Variants in PLEKHA5 observed in about 807,000 individuals in gnomAD.
PLEKHA5 encodes pleckstrin homology domain-containing family A member 5.
Under a neutral mutation model 181.9 loss-of-function variants are expected in PLEKHA5, and 55 were observed. The observed-to-expected ratio is 0.30, with a 90% CI of 0.24 to 0.38. The LOEUF is 0.38. PLEKHA5 is among the 10% of genes least tolerant of loss of function. PLEKHA5 has a pLI of 1.00. For synonymous variants in PLEKHA5, 535 were observed against 529.4 expected (o/e 1.01, Z -0.15); for missense variants, 1,432 against 1,549.5 (o/e 0.92, Z 1.27).
At chr12:19,179,138 G>A (rs2047964627) in intron 3 of PLEKHA5, among the ~76,000 whole-genome samples, 1 of 152,146 alleles carries the variant, frequency 6.6e-6, no homozygotes, top group African/African-American at 2.4e-5. Context: ...TTCAGTTGCA[G>A]TTTTTTAAAA....
Position 19,255,147 on chromosome 12 carries a change from A to G in PLEKHA5, c.414A>G (p.Pro138=), listed in dbSNP as rs752210608. Residue 138 remains proline, a synonymous_variant, in exon 5 of 32, where the codon CCA becomes CCG. Transcript: ENST00000429027. ...TGACTTCAGATTATGCAGTGCATCC[A>G]ATGAGCCCTGTAGGCAGAGTAAGTT... The part of the protein sequence containing the change: ...YNVTSDYAVH[P]MSPVGRTSRA... 3.7e-6 allele frequency: 6 copies of G among 1,602,812 alleles called. No homozygotes were observed. In the South Asian group the frequency reaches 5.6e-5, roughly 15 times the overall value.
chr12:19,356,449 G>A (rs1448488139), intron 26 of PLEKHA5, among the ~76,000 whole-genome samples: 1 of 151,992 alleles, frequency 6.6e-6, no homozygotes, highest in African/African-American at 2.4e-5. Flanking sequence ...GAGCCCAGGA[G>A]GTCGAGGTGA....
chr12:19,140,219 A>G (rs542152892), intron 3 of PLEKHA5, among the ~76,000 whole-genome samples: 3 of 152,344 alleles, frequency 2.0e-5, no homozygotes, highest in Admixed American at 6.5e-5. Flanking sequence ...ATTTTATAGT[A>G]TGTTAGACTA....
At chr12:19,199,980 A>G (rs2053804947) in intron 3 of PLEKHA5, among the ~76,000 whole-genome samples, 1 of 152,114 alleles carries the variant, frequency 6.6e-6, no homozygotes, top group Admixed American at 6.6e-5. Flanking sequence ...ATGACAGTAT[A>G]GGGGGAAGGG....
chr12:19,157,617 A>G (rs561492656), intron 3 of PLEKHA5, among the ~76,000 whole-genome samples: 1 of 152,192 alleles, frequency 6.6e-6, no homozygotes, highest in African/African-American at 2.4e-5. Flanking sequence ...TGGGTCTTTT[A>G]TATGCATATG....
chr12:19,371,849 A>G (rs2095584513), intron 31 of PLEKHA5: 1 of 152,196 alleles, frequency 6.6e-6, no homozygotes, highest in South Asian at 2.1e-4. Flanking sequence ...GCTGGATCAA[A>G]TGCTGGATCT....
intron 3 of PLEKHA5, among the ~76,000 whole-genome samples, chr12:19,142,593 AAC>A (rs1285941045): frequency 1.3e-5 from 2 of 152,202 alleles, no homozygotes; most frequent in Admixed American, 1.3e-4. Context: ...GTAGTCTGAT[AAC>A]AATAGCTTTT....
chr12:19,170,106 A>G (rs1270929712), intron 3 of PLEKHA5, among the ~76,000 whole-genome samples: 1 of 152,240 alleles, frequency 6.6e-6, no homozygotes, highest in Non-Finnish European at 1.5e-5. Context: ...AGCAGCCTAC[A>G]TATAAACCAG....
At chr12:19,348,181 C>T (rs2094432128) in intron 24 of PLEKHA5, among the ~76,000 whole-genome samples, 2 of 152,100 alleles carry the variant, frequency 1.3e-5, no homozygotes, top group Admixed American at 6.6e-5. Flanking sequence ...CTGCACCCGG[C>T]CAGAAATATT....
At chr12:19,234,253 C>A (rs1035504803) in intron 3 of PLEKHA5, among the ~76,000 whole-genome samples, 1 of 152,156 alleles carries the variant, frequency 6.6e-6, no homozygotes, top group African/African-American at 2.4e-5. Flanking sequence ...AGGCATTTAG[C>A]CATTTCCTCT....
intron 12 of PLEKHA5, among the ~76,000 whole-genome samples, chr12:19,286,731 C>T (rs751524250): frequency 4.6e-5 from 7 of 151,940 alleles, no homozygotes; most frequent in Non-Finnish European, 1.0e-4. Context: ...TTTGGGAGGC[C>T]GAGGTAGGTG....
intron 3 of PLEKHA5, among the ~76,000 whole-genome samples, chr12:19,206,551 T>TA (rs2055576283): frequency 6.6e-6 from 1 of 152,068 alleles, no homozygotes; most frequent in Non-Finnish European, 1.5e-5. Context: ...TATAAGGTGC[T>TA]TTAAAGAGGT....
At chr12:19,200,322 C>T in intron 3 of PLEKHA5, 2 of 1,527,406 alleles carry the variant, frequency 1.3e-6, no homozygotes, top group Non-Finnish European at 1.8e-6. Context: ...TTTATCCTTC[C>T]AGCTGAATAG....
chr12:19,323,816 A>C lies in PLEKHA5; in HGVS notation c.2448+1149A>C, dbSNP rs1392398825. On this transcript the variant is annotated intron_variant, in intron 20 of 31. Coordinates refer to ENST00000429027, the MANE Select transcript of PLEKHA5 (RefSeq NM_001256470.2). ...GGGCAACAGAGTGAGACTCTGTTTC[A>C]AAAAAAAAAAAAAAAAGAAAGAAAT... is the stretch of plus-strand genomic sequence containing the variant. Among the ~76,000 whole-genome samples, 9 of 9,914 alleles carry C rather than the reference A, an allele frequency of 9.1e-4. No individual in the cohort carries two copies. In the Admixed American group the frequency reaches 0.019, roughly 20 times the overall value. The allele number at this position is 9,914 out of a possible 152,430, so 6.5% of individuals were successfully genotyped here.
In PLEKHA5 at chr12:19,366,000, A is replaced by G. The variant is rs61757729; in HGVS notation, c.3645A>G (p.Pro1215=). 142 of 1,612,188 alleles carry G rather than the reference A, an allele frequency of 8.8e-5. No homozygotes were observed. The highest frequency in any genetic ancestry group is 1.1e-4 in the Non-Finnish European group (126 of 1,179,174). ...QDETQTANHK[P]EEHPEENTKN... ...AAACACAGACCGCAAATCATAAACC[A>G]GAAGAGCATCCTGAAGAAAATACAA... Residue 1215 remains proline (P), a synonymous_variant, in exon 30 of 32, where the codon CCA becomes CCG. Transcript: ENST00000429027.
intron 7 of PLEKHA5, among the ~76,000 whole-genome samples, chr12:19,264,741 G>A (rs1170891395): frequency 1.3e-5 from 2 of 151,984 alleles, no homozygotes; most frequent in Non-Finnish European, 2.9e-5. Context: ...GGAAATGAGG[G>A]CGAAATAAAT....
In PLEKHA5 at chr12:19,255,102, T is replaced by C. The variant is rs770054483; in HGVS notation, c.369T>C (p.Asn123=). 6.8e-6 allele frequency: 11 copies of C among 1,610,208 alleles called. No homozygotes were observed. The Admixed American group carries it at 1.7e-4, about 24-fold the overall frequency. ...AGGAACGGCCAATAAGTATGATAAA[T>C]GAAGCTTCTAACTATAACGTGACTT... ...EKKERPISMI[N]EASNYNVTSD... is the part of the protein sequence containing the mutation. The change falls in exon 5 of 32, where the codon AAT becomes AAC. Residue 123 remains asparagine (N), a synonymous_variant. Coordinates refer to ENST00000429027, the MANE Select transcript of PLEKHA5 (RefSeq NM_001256470.2).
intron 15 of PLEKHA5, among the ~76,000 whole-genome samples, chr12:19,313,288 T>C (rs2087258176): frequency 6.6e-6 from 1 of 152,108 alleles, no homozygotes; most frequent in African/African-American, 2.4e-5. Context: ...TGTGGGAGGA[T>C]CGCCTAAGCC....
At chr12:19,215,655 A>AT (rs777898686) in intron 3 of PLEKHA5, among the ~76,000 whole-genome samples, 5 of 152,202 alleles carry the variant, frequency 3.3e-5, no homozygotes, top group African/African-American at 4.8e-5. Context: ...CCCTTTAAAA[A>AT]TTTTAGCAGT....
Sources: allele counts gnomAD v4.1 joint callset (sites outside exome capture counted in the v4.1 genomes callset), GRCh38; gene constraint gnomAD v4.1.1; transcripts MANE v1.5; gene names NCBI Gene and HGNC (gene_info 2026-07-23, HGNC 2026-07-21).